Variants in DLEC1 observed in about 807,000 individuals in gnomAD.
DLEC1 encodes deleted in lung and esophageal cancer protein 1.
Under a neutral mutation model 198.1 loss-of-function variants are expected in DLEC1, and 146 were observed. The ratio of observed to expected loss-of-function variants is 0.74; its 90% confidence interval spans 0.64 to 0.85. The LOEUF is 0.85. Among genes scored for constraint, DLEC1 ranks in the 40% least tolerant of loss-of-function variants. The probability of loss-of-function intolerance (pLI) is 0.00; values close to 1 mark genes in which losing one functional copy is unlikely to be tolerated. For synonymous variants in DLEC1, 897 were observed against 866.8 expected (o/e 1.03, Z -0.61); for missense variants, 2,233 against 2,220.0 (o/e 1.01, Z -0.12).
chr3:38,111,883 T>G lies in DLEC1; in HGVS notation c.3514+136T>G, dbSNP rs1699901855. ...TCTCAGATGGCCAAGGCGCTCCACC[T>G]GACAATGCCTCTTCCTGTTGAGGCC... On this transcript the variant is annotated intron_variant, in intron 24 of 36. Transcript: ENST00000308059. 3.1e-6 allele frequency: 3 copies of G among 969,164 alleles called. No individual in the cohort carries two copies. In the Admixed American group the frequency reaches 8.5e-5, roughly 27 times the overall value. 60.0% of individuals were successfully genotyped at this position (969,164 alleles called of 1,614,324 possible). A position where few individuals can be genotyped will look rare whatever the true frequency, so the allele number is the denominator to read the frequency against.
chr3:38,122,638 A>T lies in DLEC1; in HGVS notation c.*226A>T, dbSNP rs1034210286. Reference sequence around the variant, plus strand: ...GCCACACCACAGCAGAGACCACCACATTGAGATCACTACTCAGTGCATAGC... The same window carrying T: ...GCCACACCACAGCAGAGACCACCACTTTGAGATCACTACTCAGTGCATAGC... On this transcript the variant is annotated 3_prime_UTR_variant, in exon 37 of 37. Transcript: ENST00000308059. 6.7e-7 allele frequency: 1 copy of T among 1,500,344 alleles called. No homozygotes were observed. The highest frequency in any genetic ancestry group is 8.9e-7 in the Non-Finnish European group (1 of 1,129,146). 92.9% of individuals were successfully genotyped at this position (1,500,344 alleles called of 1,614,324 possible).
intron 34 of DLEC1, among the ~76,000 whole-genome samples, chr3:38,120,909 C>T (rs1457290048): frequency 1.3e-5 from 2 of 152,202 alleles, no homozygotes; most frequent in South Asian, 2.1e-4. Flanking sequence ...AAGGGAAACA[C>T]GTTGACAGCC....
In DLEC1 at chr3:38,088,342, T is replaced by G. The variant is rs777110610; in HGVS notation, c.1619T>G (p.Leu540Arg). Residue 540 changes from leucine (L) to arginine (R), a missense_variant, in exon 10 of 37, where the codon CTG (leucine) becomes CGG (arginine). Leu to Arg is a moderately radical substitution (Grantham distance 102, BLOSUM62 -2). Coordinates refer to ENST00000308059, the MANE Select transcript of DLEC1 (RefSeq NM_007335.4). Reference protein sequence around the residue: ...GFVEQPPFGILPSVFELAPGH... With the variant: ...GFVEQPPFGIRPSVFELAPGH... ...GTTGAACAACCTCCTTTTGGAATCC[T>G]GCCTTCGGTGTTTGAGCTGGCCCCG... 3.1e-6 allele frequency: 5 copies of G among 1,614,106 alleles called. No homozygotes were observed. In the East Asian group the frequency reaches 1.1e-4, roughly 36 times the overall value.
chr3:38,078,874 T>C (rs566315566), intron 6 of DLEC1, among the ~76,000 whole-genome samples: 31 of 152,324 alleles, frequency 2.0e-4, no homozygotes, highest in African/African-American at 6.5e-4. Context: ...GCATAGATCC[T>C]GAACTAACTT....
chr3:38,120,598 C>T lies in DLEC1; in HGVS notation c.4855C>T (p.Gln1619Ter). 1 of 1,613,310 alleles carries T rather than the reference C, an allele frequency of 6.2e-7. No individual in the cohort carries two copies. The highest frequency in any genetic ancestry group is 8.5e-7 in the Non-Finnish European group (1 of 1,180,006). Residue 1619 changes from glutamine (Q) to a stop codon, truncating the protein, a stop_gained, in exon 34 of 37, where the codon CAG becomes TAG. Coordinates refer to ENST00000308059, the MANE Select transcript of DLEC1 (RefSeq NM_007335.4). LOFTEE classifies it high-confidence loss of function. ...GAACCTGCTCCTGGAGTACACCAAC[C>T]AGACCACTCAGGCACGCCCCAGGCC... ...TQNLLLEYTN[Q>*]TTQVVPLRAV... is the part of the protein sequence containing the mutation.
chr3:38,042,285 G>A (rs1042495286), intron 1 of DLEC1, among the ~76,000 whole-genome samples: 3 of 152,032 alleles, frequency 2.0e-5, no homozygotes, highest in East Asian at 3.9e-4. Context: ...GTGCCACTGC[G>A]CCTGGCCCGC....
chr3:38,057,134 GA>G (rs1559401109), intron 2 of DLEC1, among the ~76,000 whole-genome samples: 1 of 152,210 alleles, frequency 6.6e-6, no homozygotes, highest in East Asian at 1.9e-4. Flanking sequence ...ATCATTAGGG[GA>G]ATGGATAGGT....
chr3:38,122,155 C>T lies in DLEC1; in HGVS notation c.5105C>T (p.Pro1702Leu). ...CTAGAAGCACGATCCGCCAATGCAC[C>T]CCCAACCTCCATCGCCTTGCAGGTT... The part of the protein sequence containing the change: ...GLLEARSANA[P>L]PTSIALQVFF... Residue 1702 changes from proline (P) to leucine (L), a missense_variant, in exon 36 of 37, where the codon CCC becomes CTC. By Grantham distance (98) the Pro-to-Leu change is moderately conservative. Transcript: ENST00000308059. 6.2e-7 allele frequency: 1 copy of T among 1,614,138 alleles called. No homozygotes were observed. Among genetic ancestry groups the T allele is most frequent in the Non-Finnish European group, 8.5e-7 (1 of 1,179,986 alleles).
In DLEC1 at chr3:38,116,466, T is replaced by C. The variant is rs1444136651; in HGVS notation, c.3870T>C (p.Asp1290=). Residue 1290 remains aspartate, a synonymous_variant, in exon 28 of 37, where the codon GAT becomes GAC. Coordinates refer to ENST00000308059, the MANE Select transcript of DLEC1 (RefSeq NM_007335.4). The part of the protein sequence containing the change: ...NNSSPCDIRL[D]WETYVPEDKE... ...CATCTGCCCCAGACATCCGCCTGGA[T>C]TGGGAGACCTATGTTCCAGAAGACA... The C allele has an allele frequency of 4.3e-6, 7 of 1,614,036 alleles. No individual in the cohort carries two copies. The highest frequency in any genetic ancestry group is 5.9e-6 in the Non-Finnish European group (7 of 1,179,960).
chr3:38,097,665 G>T (rs770393115), intron 17 of DLEC1, 28 bp downstream of exon 17: 2 of 1,614,016 alleles, frequency 1.2e-6, no homozygotes, highest in African/African-American at 1.3e-5. Flanking sequence ...GGGCAGTGGG[G>T]TGGGCCCAGA....
chr3:38,064,250 A>G (rs1324394347), intron 6 of DLEC1, among the ~76,000 whole-genome samples: 1 of 152,018 alleles, frequency 6.6e-6, no homozygotes, highest in Non-Finnish European at 1.5e-5. Context: ...CTGTTTAACA[A>G]AGCACATCTT....
chr3:38,110,268 A>G lies in DLEC1; in HGVS notation c.3430A>G (p.Lys1144Glu), dbSNP rs1056176795. The G allele has an allele frequency of 1.9e-6, 3 of 1,614,056 alleles. No individual in the cohort carries two copies. Among genetic ancestry groups the G allele is most frequent in the Non-Finnish European group, 2.5e-6 (3 of 1,179,950 alleles). The change falls in exon 23 of 37, where the codon AAA (lysine) becomes GAA (glutamate). Residue 1144 changes from lysine (K) to glutamate (E), a missense_variant. Transcript: ENST00000308059. ...YFGSPQNSLS[K>E]KTSLPNMPPA... Reference sequence around the variant, plus strand: ...CGGGAGCCCCCAAAACAGCCTGAGCAAAAAGACCAGCCTGTAAGTCTTGCT... The same window carrying G: ...CGGGAGCCCCCAAAACAGCCTGAGCGAAAAGACCAGCCTGTAAGTCTTGCT...
intron 6 of DLEC1, among the ~76,000 whole-genome samples, chr3:38,078,268 A>G (rs1327712117): frequency 3.9e-5 from 6 of 152,168 alleles, no homozygotes; most frequent in Admixed American, 3.9e-4. Context: ...GGAAGAAAAT[A>G]GATTTTGGAA....
Position 38,093,710 on chromosome 3 carries a change from T to C in DLEC1, c.1862T>C (p.Phe621Ser), listed in dbSNP as rs1698863236. The C allele has an allele frequency of 1.2e-6, 2 of 1,614,080 alleles. No individual in the cohort carries two copies. Among genetic ancestry groups the C allele is most frequent in the Non-Finnish European group, 8.5e-7 (1 of 1,180,034 alleles). The part of the protein sequence containing the change: ...TDLTAQHFIR[F>S]EPENLRSTAR... The stretch of plus-strand genomic sequence containing the variant: ...TTAACAGCCCAGCACTTCATACGAT[T>C]TGAGCCTGAAAACCTTCGGTCCACG... Residue 621 changes from phenylalanine to serine, a missense_variant, in exon 12 of 37, where the codon TTT (phenylalanine) becomes TCT (serine). Transcript: ENST00000308059.
chr3:38,052,211 TA>T, intron 2 of DLEC1: 1 of 454,192 alleles, frequency 2.2e-6, no homozygotes. Flanking sequence ...ATACCCAATG[TA>T]AAATGTAGCC....
At chr3:38,052,992 G>A (rs995103088) in intron 2 of DLEC1, among the ~76,000 whole-genome samples, 1 of 152,244 alleles carries the variant, frequency 6.6e-6, no homozygotes, top group African/African-American at 2.4e-5. Context: ...GGGTTTCGCT[G>A]TGTTGGCCGG....
intron 6 of DLEC1, among the ~76,000 whole-genome samples, chr3:38,072,764 G>A (rs558513854): frequency 2.0e-5 from 3 of 152,290 alleles, no homozygotes; most frequent in East Asian, 1.9e-4. Context: ...GGGCACGATT[G>A]GCAGGGAGAG....
chr3:38,071,748 T>C (rs1697330084), intron 6 of DLEC1, among the ~76,000 whole-genome samples: 1 of 152,224 alleles, frequency 6.6e-6, no homozygotes, highest in Admixed American at 6.5e-5. Flanking sequence ...GAGTAGAGTT[T>C]TTATTAAAGA....
intron 1 of DLEC1, among the ~76,000 whole-genome samples, chr3:38,042,451 T>A (rs1350832921): frequency 1.3e-5 from 2 of 152,218 alleles, no homozygotes; most frequent in South Asian, 2.1e-4. Context: ...ATTTCTATAT[T>A]GTCTGAATTT....
Sources: allele counts gnomAD v4.1 joint callset (sites outside exome capture counted in the v4.1 genomes callset), GRCh38; gene constraint gnomAD v4.1.1; transcripts MANE v1.5; gene names NCBI Gene and HGNC (gene_info 2026-07-23, HGNC 2026-07-21).